The following ACTL8 variants were observed in gnomAD, a reference collection of about 807,000 sequenced individuals.
ACTL8 encodes actin like 8, also known as actin-like protein 8.
In ACTL8, 3 loss-of-function variants were observed where a neutral mutation model predicts 9.3. That is an observed-to-expected ratio of 0.32 (90% confidence interval 0.15 to 0.83). The LOEUF (loss-of-function observed/expected upper bound fraction) is 0.83. Ranked by LOEUF, ACTL8 falls within the 40% of genes least tolerant of loss-of-function variation. The pLI, the probability that ACTL8 is intolerant of heterozygous loss-of-function variation, is 0.57. For missense variants in ACTL8, 381 were observed against 492.2 expected (o/e 0.77, Z 2.14); for synonymous variants, 224 against 205.9 (o/e 1.09, Z -0.75).
chr1:17,755,908 T>TG (rs2065966435), intron 1 of ACTL8, among the ~76,000 whole-genome samples: 1 of 148,130 alleles, frequency 6.8e-6, no homozygotes, highest in Non-Finnish European at 1.5e-5. Context: ...CAGCCTGATA[T>TG]GGGGGTCTCT....
intron 1 of ACTL8, among the ~76,000 whole-genome samples, chr1:17,779,725 A>G (rs528206867): frequency 1.3e-5 from 2 of 152,308 alleles, no homozygotes; most frequent in African/African-American, 4.8e-5. Flanking sequence ...GGGACAGACC[A>G]CAAGCACACA....
chr1:17,822,968 A>T lies in ACTL8; in HGVS notation c.-24-17A>T. ...CTAGGCTGCCTGCACAACTAACCCC[A>T]TCCTTTGCTTCCGCAGGTCCCACCC... On this transcript the variant is annotated splice_polypyrimidine_tract_variant and intron_variant, in intron 1 of 2. Coordinates refer to ENST00000375406, the MANE Select transcript of ACTL8 (RefSeq NM_030812.3). 1 of 1,566,624 alleles carries T rather than the reference A, an allele frequency of 6.4e-7. No individual in the cohort carries two copies. The highest frequency in any genetic ancestry group is 1.3e-5 in the African/African-American group (1 of 74,490).
intron 1 of ACTL8, among the ~76,000 whole-genome samples, chr1:17,819,910 G>A (rs986712754): frequency 6.6e-6 from 1 of 151,968 alleles, no homozygotes; most frequent in Non-Finnish European, 1.5e-5. Context: ...CCAGGAGGCT[G>A]AGGTGGGAGG....
At chr1:17,805,532 C>T (rs1488366743) in intron 1 of ACTL8, among the ~76,000 whole-genome samples, 6 of 151,842 alleles carry the variant, frequency 4.0e-5, no homozygotes, top group East Asian at 1.9e-4. Flanking sequence ...AGGTATGCAC[C>T]ACCATGCCCA....
intron 1 of ACTL8, among the ~76,000 whole-genome samples, chr1:17,794,614 C>A (rs1253063383): frequency 6.6e-6 from 1 of 151,252 alleles, no homozygotes; most frequent in East Asian, 1.9e-4. Flanking sequence ...TCCCTGGTCT[C>A]ATCTTATTTT....
chr1:17,787,220 T>G (rs1177519973), intron 1 of ACTL8, among the ~76,000 whole-genome samples: 2 of 152,116 alleles, frequency 1.3e-5, no homozygotes, highest in African/African-American at 4.8e-5. Flanking sequence ...CTTTTCTTAT[T>G]CAACCATGTC....
At chr1:17,757,805 C>T (rs186473653) in intron 1 of ACTL8, among the ~76,000 whole-genome samples, 13 of 152,242 alleles carry the variant, frequency 8.5e-5, no homozygotes, top group South Asian at 8.3e-4. Context: ...TGCATTGATA[C>T]GGGCACACTC....
At chr1:17,811,719 T>G (rs650246) in intron 1 of ACTL8, among the ~76,000 whole-genome samples, 69,826 of 152,082 alleles carry the variant, frequency 0.46, 16,821 homozygotes, top group East Asian at 0.68. Context: ...GAAAAGACTA[T>G]CTTTTCATCA....
chr1:17,787,512 T>G (rs1356524086), intron 1 of ACTL8, among the ~76,000 whole-genome samples: 1 of 152,152 alleles, frequency 6.6e-6, no homozygotes, highest in East Asian at 1.9e-4. Flanking sequence ...CAAGTGATCC[T>G]CCTGCCTTGG....
chr1:17,799,572 G>A (rs6586582), intron 1 of ACTL8, among the ~76,000 whole-genome samples: 24,887 of 151,890 alleles, frequency 0.16, 2,781 homozygotes, highest in African/African-American at 0.31. Flanking sequence ...TTTTCACTGA[G>A]CAGAAATCTA....
intron 1 of ACTL8, among the ~76,000 whole-genome samples, chr1:17,782,155 G>A (rs2066159796): frequency 6.6e-6 from 1 of 152,134 alleles, no homozygotes; most frequent in Admixed American, 6.5e-5. Context: ...CCATCCCTGG[G>A]CCTCTGGAGA....
At chr1:17,793,071 G>T (rs2066251823) in intron 1 of ACTL8, among the ~76,000 whole-genome samples, 1 of 152,176 alleles carries the variant, frequency 6.6e-6, no homozygotes, top group Admixed American at 6.5e-5. Flanking sequence ...TGTCCTGAGT[G>T]GTGTCTTCTG....
intron 1 of ACTL8, among the ~76,000 whole-genome samples, chr1:17,812,385 T>G (rs2066398597): frequency 6.6e-6 from 1 of 152,024 alleles, no homozygotes; most frequent in Non-Finnish European, 1.5e-5. Context: ...TTAATGATAT[T>G]GAATTGTCTA....
At chr1:17,759,978 C>G (rs116434258) in intron 1 of ACTL8, among the ~76,000 whole-genome samples, 1 of 152,136 alleles carries the variant, frequency 6.6e-6, no homozygotes, top group Non-Finnish European at 1.5e-5. Flanking sequence ...CAAATGACTG[C>G]GCAGCTTCCC....
chr1:17,779,602 G>C (rs1344018391), intron 1 of ACTL8, among the ~76,000 whole-genome samples: 6 of 152,176 alleles, frequency 3.9e-5, no homozygotes, highest in Non-Finnish European at 8.8e-5. Flanking sequence ...GCTAAGATGA[G>C]CTGGGTGCCT....
At chr1:17,807,126 G>A (rs1210702704) in intron 1 of ACTL8, among the ~76,000 whole-genome samples, 6 of 152,210 alleles carry the variant, frequency 3.9e-5, no homozygotes, top group Admixed American at 3.9e-4. Context: ...GGACCTTTGT[G>A]ATTACTGTGG....
chr1:17,795,733 G>T (rs1463586132), intron 1 of ACTL8, among the ~76,000 whole-genome samples: 1 of 152,146 alleles, frequency 6.6e-6, no homozygotes, highest in Non-Finnish European at 1.5e-5. Context: ...CAGAAATGGG[G>T]TACAGACCCT....
At chr1:17,825,046 T>C (rs902038407) in intron 2 of ACTL8, among the ~76,000 whole-genome samples, 19 of 132,408 alleles carry the variant, frequency 1.4e-4, no homozygotes, top group African/African-American at 4.9e-4. Flanking sequence ...GATTAGAACC[T>C]TGGGGAGGCT....
At chr1:17,787,997 CA>C (rs996085962) in intron 1 of ACTL8, among the ~76,000 whole-genome samples, 48 of 152,266 alleles carry the variant, frequency 3.2e-4, no homozygotes, top group African/African-American at 1.1e-3. Flanking sequence ...CCCTGACAAG[CA>C]GGGGGGCTGA....
Sources: allele counts gnomAD v4.1 joint callset (sites outside exome capture counted in the v4.1 genomes callset), GRCh38; gene constraint gnomAD v4.1.1; transcripts MANE v1.5; gene names NCBI Gene and HGNC (gene_info 2026-07-23, HGNC 2026-07-21).